The following CSTPP1 variants were observed in gnomAD, a reference collection of about 807,000 sequenced individuals.
CSTPP1 encodes UPF0705 protein C11orf49.
At chr11:47,011,338 A>T in the CSTPP1 span, among the ~76,000 whole-genome samples, 1 of 152,240 alleles carries the variant, frequency 6.6e-6, no homozygotes, top group Non-Finnish European at 1.5e-5. Context: ...GAAGACAAGA[A>T]TTTGGGTATC....
the CSTPP1 span, among the ~76,000 whole-genome samples, chr11:47,151,623 T>C: frequency 1.3e-5 from 2 of 151,482 alleles, no homozygotes; most frequent in Non-Finnish European, 2.9e-5. Context: ...GGATGTCTAG[T>C]ATGCCCAGCG....
chr11:47,097,437 G>A, the CSTPP1 span, among the ~76,000 whole-genome samples: 7 of 43,998 alleles, frequency 1.6e-4, no homozygotes, highest in East Asian at 5.9e-4. Flanking sequence ...CAGCCGCCCC[G>A]TCCGGGAGGG....
chr11:47,110,628 C>T, the CSTPP1 span, among the ~76,000 whole-genome samples: 1 of 152,322 alleles, frequency 6.6e-6, no homozygotes, highest in East Asian at 1.9e-4. Flanking sequence ...ATGCCCACTT[C>T]CAGATTTCCA....
At chr11:47,156,465 T>G in the CSTPP1 span, among the ~76,000 whole-genome samples, 2 of 152,224 alleles carry the variant, frequency 1.3e-5, no homozygotes, top group Non-Finnish European at 2.9e-5. Context: ...GACTGACTCA[T>G]CAGCAGCTTT....
At chr11:47,044,344 G>T in the CSTPP1 span, among the ~76,000 whole-genome samples, 2 of 151,782 alleles carry the variant, frequency 1.3e-5, no homozygotes, top group Admixed American at 6.6e-5. Flanking sequence ...TTTTGTTGTT[G>T]TTGTTAGTTC....
chr11:47,126,929 T>C, the CSTPP1 span, among the ~76,000 whole-genome samples: 1 of 150,034 alleles, frequency 6.7e-6, no homozygotes, highest in Non-Finnish European at 1.5e-5. Flanking sequence ...CAAGATCCTA[T>C]CTCAAAAAAA....
At chr11:47,162,365 G>A in the CSTPP1 span, 3 of 540,330 alleles carry the variant, frequency 5.6e-6, no homozygotes, top group Non-Finnish European at 7.1e-6. Context: ...CTGGGGACCT[G>A]CCTCAGACAA....
At chr11:47,041,352 C>G in the CSTPP1 span, 1 of 250,404 alleles carries the variant, frequency 4.0e-6, no homozygotes, top group African/African-American at 2.2e-5. Flanking sequence ...GTAATCTACT[C>G]AGGGCCCTTG....
the CSTPP1 span, among the ~76,000 whole-genome samples, chr11:47,082,071 G>A: frequency 6.7e-6 from 1 of 148,398 alleles, no homozygotes; most frequent in African/African-American, 2.5e-5. Context: ...GATCACTTGA[G>A]CCCAGGAGTT....
chr11:47,126,448 C>A, the CSTPP1 span, among the ~76,000 whole-genome samples: 1 of 152,108 alleles, frequency 6.6e-6, no homozygotes, highest in Non-Finnish European at 1.5e-5. Context: ...CATATCAAGA[C>A]TCTGTCTCTA....
chr11:47,034,954 C>T, the CSTPP1 span, among the ~76,000 whole-genome samples: 1 of 152,142 alleles, frequency 6.6e-6, no homozygotes, highest in African/African-American at 2.4e-5. Context: ...CAGCTTTAGA[C>T]CCTTCACCTT....
chr11:47,029,261 C>T, the CSTPP1 span, among the ~76,000 whole-genome samples: 3 of 152,150 alleles, frequency 2.0e-5, no homozygotes, highest in Non-Finnish European at 4.4e-5. Flanking sequence ...CCCTTTCCAA[C>T]TCAGAATATA....
the CSTPP1 span, among the ~76,000 whole-genome samples, chr11:47,009,114 C>A: frequency 6.6e-6 from 1 of 151,970 alleles, no homozygotes; most frequent in Non-Finnish European, 1.5e-5. Flanking sequence ...AAACCCTACA[C>A]ATTGGGAAAA....
chr11:47,077,764 C>G, the CSTPP1 span, among the ~76,000 whole-genome samples: 1 of 151,932 alleles, frequency 6.6e-6, no homozygotes, highest in South Asian at 2.1e-4. Context: ...ACAGAAGGCT[C>G]TAGGAGGAAT....
At chr11:47,054,029 G>C in the CSTPP1 span, among the ~76,000 whole-genome samples, 2 of 151,164 alleles carry the variant, frequency 1.3e-5, no homozygotes, top group African/African-American at 4.9e-5. Context: ...CCCTGTTGCA[G>C]CCGGGCACGG....
chr11:47,039,105 G>A, the CSTPP1 span, among the ~76,000 whole-genome samples: 4 of 127,528 alleles, frequency 3.1e-5, no homozygotes, highest in Non-Finnish European at 7.5e-5. Context: ...CGGGGTGGCG[G>A]CCGGGCAGAG....
chr11:47,086,992 CT>C, the CSTPP1 span, among the ~76,000 whole-genome samples: 5 of 152,176 alleles, frequency 3.3e-5, no homozygotes, highest in African/African-American at 1.2e-4. Flanking sequence ...TTCTACAAGA[CT>C]TTGACAACAT....
the CSTPP1 span, among the ~76,000 whole-genome samples, chr11:47,153,599 A>G: frequency 0.34 from 51,726 of 152,152 alleles, 10,418 homozygotes; most frequent in Non-Finnish European, 0.44. Flanking sequence ...TCACGTGTAG[A>G]ATGGAAATAA....
At chr11:47,163,971 A>C in the CSTPP1 span, 1 of 1,183,040 alleles carries the variant, frequency 8.5e-7, no homozygotes. Context: ...ACTCCACTGA[A>C]ACCCATCCCC....
Sources: allele counts gnomAD v4.1 joint callset (sites outside exome capture counted in the v4.1 genomes callset), GRCh38; gene constraint gnomAD v4.1.1; transcripts MANE v1.5; gene names NCBI Gene and HGNC (gene_info 2026-07-23, HGNC 2026-07-21).